Variants in HPSE2 observed in about 807,000 individuals in gnomAD.
HPSE2 encodes the protein inactive heparanase-2.
HPSE2 carries 38 observed loss-of-function variants against 60.5 expected under a neutral mutation model. The observed-to-expected ratio is 0.63, with a 90% CI of 0.48 to 0.82. The LOEUF (loss-of-function observed/expected upper bound fraction) is 0.82. HPSE2 is among the 40% of genes least tolerant of loss of function. The pLI is 0.00. For synonymous variants in HPSE2, 295 were observed against 293.2 expected, an observed-to-expected ratio of 1.01 and a Z score of -0.06; for missense variants, 713 against 740.4, an observed-to-expected ratio of 0.96 and a Z score of 0.43.
At chr10:99,270,187 G>T in the HPSE2 span, among the ~76,000 whole-genome samples, 22 of 152,068 alleles carry the variant, frequency 1.4e-4, no homozygotes, top group Non-Finnish European at 2.9e-5. Context: ...GAAACAGAAA[G>T]CTGGTTCTTT....
chr10:99,112,532 G>T (rs756720272), intron 3 of HPSE2, among the ~76,000 whole-genome samples: 1 of 151,928 alleles, frequency 6.6e-6, no homozygotes, highest in South Asian at 2.1e-4. Flanking sequence ...CTCGTGATCC[G>T]TTTGCCTCGG....
At chr10:98,636,971 T>G (rs1328847118) in intron 7 of HPSE2, among the ~76,000 whole-genome samples, 1 of 152,218 alleles carries the variant, frequency 6.6e-6, no homozygotes, top group Non-Finnish European at 1.5e-5. Context: ...CACTGTGTCC[T>G]GAACTTTCTC....
intron 3 of HPSE2, among the ~76,000 whole-genome samples, chr10:98,988,814 C>A (rs1251231745): frequency 2.2e-4 from 27 of 122,222 alleles, no homozygotes; most frequent in Non-Finnish European, 2.9e-4. Flanking sequence ...AAACAAACAA[C>A]CCCATCAAAA....
At chr10:98,601,061 C>A (rs549846512) in intron 9 of HPSE2, among the ~76,000 whole-genome samples, 1 of 151,456 alleles carries the variant, frequency 6.6e-6, no homozygotes, top group South Asian at 2.1e-4. Context: ...AGGCTGCTGG[C>A]AGGGTGGAGA....
intron 7 of HPSE2, among the ~76,000 whole-genome samples, chr10:98,636,385 G>A (rs1252036472): frequency 1.3e-5 from 2 of 151,912 alleles, no homozygotes; most frequent in Non-Finnish European, 2.9e-5. Context: ...GATTACATGT[G>A]CCTGCCACCA....
intron 3 of HPSE2, among the ~76,000 whole-genome samples, chr10:98,824,914 T>C (rs1165957963): frequency 2.6e-5 from 4 of 152,216 alleles, no homozygotes; most frequent in African/African-American, 9.6e-5. Context: ...GTATGTTTCA[T>C]AACGGTAAAC....
At chr10:99,170,489 G>A (rs1198468622) in intron 2 of HPSE2, among the ~76,000 whole-genome samples, 1 of 152,152 alleles carries the variant, frequency 6.6e-6, no homozygotes, top group African/African-American at 2.4e-5. Flanking sequence ...GAACCCAGCA[G>A]CAGCCACAAC....
At chr10:99,041,237 G>A (rs1287392202) in intron 3 of HPSE2, among the ~76,000 whole-genome samples, 3 of 152,126 alleles carry the variant, frequency 2.0e-5, no homozygotes, top group African/African-American at 7.2e-5. Context: ...AGAGTGGTGA[G>A]TAAACAGGCT....
Position 98,626,123 on chromosome 10 carries a change from AG to A in HPSE2, c.1099-5416del, listed in dbSNP as rs1433312353. Among the ~76,000 whole-genome samples, 14 of 93,970 alleles carry A rather than the reference AG, an allele frequency of 1.5e-4. 1 individual carries two copies. Among genetic ancestry groups the A allele is most frequent in the East Asian group, 1.0e-3 (3 of 3,008 alleles). The allele number at this position is 93,970 out of a possible 152,430, so 61.6% of individuals were successfully genotyped here. A position where few individuals can be genotyped will look rare whatever the true frequency, so the allele number is the denominator to read the frequency against. On this transcript the variant is annotated intron_variant, in intron 7 of 11. Coordinates refer to ENST00000370552, the MANE Select transcript of HPSE2 (RefSeq NM_021828.5). ...TCCGTCTCAAAAAAAAAAAAGAAAA[AG>A]AAAAAAGAAAAAAGATGAATAAAAA...
intron 2 of HPSE2, among the ~76,000 whole-genome samples, chr10:99,163,272 A>G (rs1293980941): frequency 6.6e-6 from 1 of 152,088 alleles, no homozygotes; most frequent in Non-Finnish European, 1.5e-5. Flanking sequence ...TTTTTAGTGT[A>G]CAAAAAATGC....
At chr10:98,997,299 A>T (rs190742950) in intron 3 of HPSE2, among the ~76,000 whole-genome samples, 2 of 151,398 alleles carry the variant, frequency 1.3e-5, no homozygotes, top group Non-Finnish European at 2.9e-5. Context: ...TCTATTTTTA[A>T]CAGAGATGGG....
At chr10:98,958,350 T>C (rs12258897) in intron 3 of HPSE2, among the ~76,000 whole-genome samples, 23,284 of 151,600 alleles carry the variant, frequency 0.15, 2,694 homozygotes, top group African/African-American at 0.32. Flanking sequence ...GTCAAACAGA[T>C]AACAAGGTTA....
At chr10:99,181,127 G>A (rs1376239669) in intron 2 of HPSE2, among the ~76,000 whole-genome samples, 10 of 151,534 alleles carry the variant, frequency 6.6e-5, no homozygotes, top group African/African-American at 1.2e-4. Context: ...GGCCGGGCGC[G>A]GTGGCTCACG....
the HPSE2 span, among the ~76,000 whole-genome samples, chr10:99,304,436 T>C: frequency 6.6e-6 from 1 of 152,268 alleles, no homozygotes; most frequent in Non-Finnish European, 1.5e-5. Flanking sequence ...TTCACAGAGC[T>C]GTAACACTGC....
intron 5 of HPSE2, 85 bp downstream of exon 5, chr10:98,721,572 A>G: frequency 7.6e-7 from 1 of 1,321,806 alleles, no homozygotes; most frequent in Non-Finnish European, 1.1e-6. Context: ...TAAATAAATA[A>G]ATAAATAAAT....
intron 6 of HPSE2, among the ~76,000 whole-genome samples, chr10:98,649,464 C>T (rs1280206578): frequency 6.6e-6 from 1 of 152,132 alleles, no homozygotes; most frequent in Non-Finnish European, 1.5e-5. Flanking sequence ...AAACCTTTTC[C>T]CTTTGTACTT....
At chr10:99,226,733 T>C (rs1849486068) in intron 2 of HPSE2, among the ~76,000 whole-genome samples, 3 of 151,956 alleles carry the variant, frequency 2.0e-5, no homozygotes, top group Admixed American at 2.0e-4. Context: ...GTGGAGAATT[T>C]GTGGACATAT....
intron 8 of HPSE2, among the ~76,000 whole-genome samples, chr10:98,620,281 A>G (rs541911087): frequency 6.6e-6 from 1 of 152,306 alleles, no homozygotes; most frequent in South Asian, 2.1e-4. Context: ...CCAAGACTAT[A>G]GTGAAAATTG....
intron 6 of HPSE2, among the ~76,000 whole-genome samples, chr10:98,659,040 AT>A (rs977469944): frequency 2.0e-4 from 31 of 151,950 alleles, no homozygotes; most frequent in Non-Finnish European, 2.9e-5. Flanking sequence ...GTTCCAAAAT[AT>A]TTTCATTACC....
Sources: gnomAD v4.1 joint callset for allele counts (sites outside exome capture counted in the v4.1 genomes callset) on GRCh38, gnomAD v4.1.1 for gene constraint, MANE v1.5 for transcripts, NCBI Gene and HGNC (gene_info 2026-07-23, HGNC 2026-07-21) for gene names.